GSTCD: variants seen among roughly 807,000 people sequenced by gnomAD.
GSTCD encodes glutathione S-transferase C-terminal domain containing, also known as glutathione S-transferase C-terminal domain-containing protein.
In GSTCD, 44 loss-of-function variants were observed where a neutral mutation model predicts 68.3. The ratio of observed to expected loss-of-function variants is 0.64; its 90% CI spans 0.51 to 0.83. The LOEUF is 0.83. Ranked by LOEUF, GSTCD falls within the 40% of genes least tolerant of loss-of-function variation. The pLI is 0.00. For missense variants in GSTCD, 739 were observed against 735.9 expected, an observed-to-expected ratio of 1.00 and a Z score of -0.05; for synonymous variants, 273 against 255.2, an observed-to-expected ratio of 1.07 and a Z score of -0.67.
At position 105,719,250 on chromosome 4, in the gene GSTCD, A is replaced by C; in HGVS notation, c.617A>C (p.Asp206Ala). 6.2e-7 allele frequency: 1 copy of C among 1,614,102 alleles called. No homozygotes were observed. Among genetic ancestry groups the C allele is most frequent in the Non-Finnish European group, 8.5e-7 (1 of 1,179,998 alleles). Reference sequence around the variant, plus strand: ...CAGAAGCTCAAGCAACAGAAGGCTGATGGAGTTGGGCCTCCCCTTACTAAG... The same window carrying C: ...CAGAAGCTCAAGCAACAGAAGGCTGCTGGAGTTGGGCCTCCCCTTACTAAG... ...RRQKLKQQKA[D>A]GVGPPLTKGK... is the part of the protein sequence containing the mutation. The change falls in exon 3 of 12, where the codon GAT (aspartate) becomes GCT (alanine). Residue 206 changes from aspartate (D) to alanine (A), a missense_variant. By Grantham distance (126) the Asp-to-Ala change is moderately radical. Coordinates refer to ENST00000515279, the MANE Select transcript of GSTCD (RefSeq NM_001370181.1).
chr4:105,819,735 A>G (rs1723185612), intron 5 of GSTCD, among the ~76,000 whole-genome samples: 1 of 151,754 alleles, frequency 6.6e-6, no homozygotes, highest in Non-Finnish European at 1.5e-5. Flanking sequence ...CACCTTGTCT[A>G]TTCAATTGTC....
intron 1 of GSTCD, among the ~76,000 whole-genome samples, chr4:105,716,286 T>C (rs1436893396): frequency 6.6e-6 from 1 of 152,028 alleles, no homozygotes; most frequent in East Asian, 1.9e-4. Flanking sequence ...TTAAATTGAG[T>C]AGTCAGGGAG....
intron 8 of GSTCD, among the ~76,000 whole-genome samples, chr4:105,827,951 A>T (rs895038285): frequency 5.3e-5 from 8 of 152,096 alleles, no homozygotes; most frequent in Non-Finnish European, 7.4e-5. Flanking sequence ...AATATTACAA[A>T]TATTTATTTG....
At chr4:105,732,081 T>G (rs1331985414) in intron 5 of GSTCD, among the ~76,000 whole-genome samples, 1 of 152,268 alleles carries the variant, frequency 6.6e-6, no homozygotes, top group Non-Finnish European at 1.5e-5. Context: ...GATGTGCTGC[T>G]GGATTCGGGT....
intron 1 of GSTCD, among the ~76,000 whole-genome samples, chr4:105,713,622 A>G (rs1202121646): frequency 2.0e-5 from 3 of 152,180 alleles, no homozygotes; most frequent in Admixed American, 2.0e-4. Flanking sequence ...AAGGATTGTG[A>G]GCATTAGAAG....
chr4:105,837,105 A>G (rs1196971829), intron 9 of GSTCD, among the ~76,000 whole-genome samples: 1 of 152,088 alleles, frequency 6.6e-6, no homozygotes, highest in African/African-American at 2.4e-5. Context: ...GCCTTTTTAA[A>G]TTTTCTGATG....
At chr4:105,829,402 A>G (rs1378657042) in intron 8 of GSTCD, among the ~76,000 whole-genome samples, 1 of 152,150 alleles carries the variant, frequency 6.6e-6, no homozygotes, top group Non-Finnish European at 1.5e-5. Flanking sequence ...CTGTTCTCAC[A>G]CTGCTAATAA....
At chr4:105,806,263 T>C (rs1722492870) in intron 5 of GSTCD, among the ~76,000 whole-genome samples, 1 of 152,096 alleles carries the variant, frequency 6.6e-6, no homozygotes, top group South Asian at 2.1e-4. Flanking sequence ...TATCTGACTG[T>C]GGAGAGAGTA....
intron 5 of GSTCD, among the ~76,000 whole-genome samples, chr4:105,784,936 T>C (rs1735407466): frequency 6.6e-6 from 1 of 152,190 alleles, no homozygotes; most frequent in Admixed American, 6.5e-5. Flanking sequence ...TTGTCCTTTG[T>C]CTGACCTAGC....
chr4:105,711,616 C>CT (rs1732539515), intron 1 of GSTCD, among the ~76,000 whole-genome samples: 1 of 152,118 alleles, frequency 6.6e-6, no homozygotes, highest in African/African-American at 2.4e-5. Flanking sequence ...ATGTGACAAG[C>CT]TTTTTTCTGT....
At chr4:105,762,036 T>C (rs1378316293) in intron 5 of GSTCD, among the ~76,000 whole-genome samples, 1 of 152,236 alleles carries the variant, frequency 6.6e-6, no homozygotes, top group Non-Finnish European at 1.5e-5. Flanking sequence ...ACACATTCTT[T>C]GGCTTTGTTG....
At chr4:105,820,687 C>A (rs1379839063) in intron 5 of GSTCD, 6 of 151,844 alleles carry the variant, frequency 4.0e-5, no homozygotes, top group Admixed American at 2.6e-4. Flanking sequence ...TTAGCTCAAT[C>A]TCTGTGAATA....
Position 105,789,795 on chromosome 4 carries a change from A to G in GSTCD, c.1241-33159A>G, listed in dbSNP as rs146279236. The stretch of plus-strand genomic sequence containing the variant: ...AGGGAGGACCATTGGGAAGTACCTT[A>G]GATGCTGCCTACCACAGAGACCCGA... On this transcript the variant is annotated intron_variant, in intron 5 of 11. Transcript: ENST00000515279. Among the ~76,000 whole-genome samples the G allele has an allele frequency of 2.2e-3, 331 of 152,058 alleles. 4 individuals are homozygous for G. Among genetic ancestry groups the G allele is most frequent in the African/African-American group, 7.6e-3 (315 of 41,394 alleles).
intron 5 of GSTCD, among the ~76,000 whole-genome samples, chr4:105,787,752 T>C (rs1454459375): frequency 1.3e-5 from 2 of 152,002 alleles, no homozygotes; most frequent in Admixed American, 6.5e-5. Flanking sequence ...TTCAATAAAA[T>C]AGAAATGTTT....
chr4:105,799,989 G>C (rs1309755365), intron 5 of GSTCD, among the ~76,000 whole-genome samples: 1 of 152,088 alleles, frequency 6.6e-6, no homozygotes, highest in Non-Finnish European at 1.5e-5. Flanking sequence ...AGGGTAAAAG[G>C]AGGGTGAAAA....
At chr4:105,753,672 G>A (rs951330545) in intron 5 of GSTCD, among the ~76,000 whole-genome samples, 20 of 152,042 alleles carry the variant, frequency 1.3e-4, no homozygotes, top group Non-Finnish European at 2.7e-4. Context: ...TTGAGCATTC[G>A]TAGATTTTAG....
In GSTCD at chr4:105,834,547, CTGTTATGGTTTCAT is replaced by C. The variant is rs1446667444; in HGVS notation, c.1619_1632del (p.Cys540SerfsTer12). On this transcript the variant is annotated frameshift_variant, in exon 9 of 12. Coordinates refer to ENST00000515279, the MANE Select transcript of GSTCD (RefSeq NM_001370181.1). LOFTEE classifies it high-confidence loss of function. ...GGGCTTCCTTCGTCACATGCCCTTG[CTGTTATGGTTTCAT>C]TCAGAACACCTCAAAGTTCAATTTT... 1 of 1,614,080 alleles carries C rather than the reference CTGTTATGGTTTCAT, an allele frequency of 6.2e-7. No homozygotes were observed. Among genetic ancestry groups the C allele is most frequent in the East Asian group, 2.2e-5 (1 of 44,870 alleles).
At chr4:105,734,286 C>T (rs1733374475) in intron 5 of GSTCD, among the ~76,000 whole-genome samples, 1 of 152,168 alleles carries the variant, frequency 6.6e-6, no homozygotes. Context: ...GCGTGTTTTC[C>T]AACTTGGTTC....
chr4:105,726,734 T>C lies in GSTCD; in HGVS notation c.1050T>C (p.Thr350=), dbSNP rs756839301. The C allele has an allele frequency of 3.1e-6, 5 of 1,613,980 alleles. No individual in the cohort carries two copies. Among genetic ancestry groups the C allele is most frequent in the East Asian group, 4.5e-5 (2 of 44,858 alleles). The change falls in exon 4 of 12, where the codon ACT becomes ACC. Residue 350 remains threonine, a synonymous_variant. Transcript: ENST00000515279. ...LHLPKLLTTS[T]EQHPNLCEVP... ...TACCAAAGTTGTTGACAACCTCAAC[T>C]GAACAGCATCCAAACTTATGTGAAG...
Sources: allele counts gnomAD v4.1 joint callset (sites outside exome capture counted in the v4.1 genomes callset), GRCh38; gene constraint gnomAD v4.1.1; transcripts MANE v1.5; gene names NCBI Gene and HGNC (gene_info 2026-07-23, HGNC 2026-07-21).